Variants in NOTCH2NLC observed in about 807,000 individuals in gnomAD.
NOTCH2NLC encodes notch homolog 2 N-terminal-like protein C.
NOTCH2NLC carries 4 observed loss-of-function variants against 17.7 expected under a neutral mutation model. The ratio of observed to expected loss-of-function variants is 0.23; its 90% confidence interval spans 0.11 to 0.52. The LOEUF (loss-of-function observed/expected upper bound fraction) is 0.52, where lower values mean the gene tolerates loss of function less well. NOTCH2NLC is among the 20% of genes least tolerant of loss of function. The probability of loss-of-function intolerance (pLI) is 0.96; values close to 1 mark genes in which losing one functional copy is unlikely to be tolerated. For synonymous variants in NOTCH2NLC, 18 were observed against 86.0 expected (o/e 0.21, Z 4.38); for missense variants, 57 against 207.2 (o/e 0.28, Z 4.45).
chr1:149,416,644 T>G (rs2084336743), intron 1 of NOTCH2NLC, among the ~76,000 whole-genome samples: 2 of 136,780 alleles, frequency 1.5e-5, no homozygotes, highest in African/African-American at 5.3e-5. Context: ...GCTCCTGTGT[T>G]GCTACTCTAT....
Position 149,429,701 on chromosome 1 carries a change from G to T in NOTCH2NLC, c.136-1241G>T, listed in dbSNP as rs1259910901. ...CTAGGCTTTTATGCAGTAATTGTTGGTGGAGGAGTTGTTCTGACATCCAGC... is the reference window on the plus strand; with the variant it reads ...CTAGGCTTTTATGCAGTAATTGTTGTTGGAGGAGTTGTTCTGACATCCAGC... On this transcript the variant is annotated intron_variant, in intron 1 of 4. Transcript: ENST00000650865. 2.0e-4 allele frequency among the ~76,000 whole-genome samples: 30 copies of T among 151,328 alleles called. 2 individuals are homozygous for T. The highest frequency in any genetic ancestry group is 3.0e-4 in the Non-Finnish European group (20 of 67,684).
Position 149,429,046 on chromosome 1 carries a change from GCTT to G in NOTCH2NLC, c.136-1895_136-1893del, listed in dbSNP as rs1336070375. ...GTTTTAATTATAGTTGTTGCATTGG[GCTT>G]ATCAGTGTGGGAAGAGGGAGCATTT... On this transcript the variant is annotated intron_variant, in intron 1 of 4. Coordinates refer to ENST00000650865, the MANE Select transcript of NOTCH2NLC (RefSeq NM_001364013.2). 7.4e-4 allele frequency among the ~76,000 whole-genome samples: 107 copies of G among 144,614 alleles called. 4 individuals carry two copies. Among genetic ancestry groups the G allele is most frequent in the Middle Eastern group, 3.6e-3 (1 of 280 alleles). 94.9% of individuals were successfully genotyped at this position (144,614 alleles called of 152,430 possible).
Position 149,390,728 on chromosome 1 carries a change from G to C in NOTCH2NLC, c.-60G>C. ...TTCGGACCGTAGCGCCAGGGCCTGA[G>C]CCTTTGAAGCAGGAGGAGGGGAGGA... is the stretch of plus-strand genomic sequence containing the variant. On this transcript the variant is annotated 5_prime_UTR_variant, in exon 1 of 5. Coordinates refer to ENST00000650865, the MANE Select transcript of NOTCH2NLC (RefSeq NM_001364013.2). The C allele has an allele frequency of 8.0e-7, 1 of 1,253,252 alleles. No individual in the cohort carries two copies. The highest frequency in any genetic ancestry group is 1.0e-6 in the Non-Finnish European group (1 of 998,722). 77.6% of individuals were successfully genotyped at this position (1,253,252 alleles called of 1,614,324 possible).
At chr1:149,428,928 G>C (rs1175455776) in intron 1 of NOTCH2NLC, among the ~76,000 whole-genome samples, 1 of 147,878 alleles carries the variant, frequency 6.8e-6, no homozygotes, top group African/African-American at 2.5e-5. Flanking sequence ...AAAAAACCCC[G>C]GAAGTTCTCA....
intron 1 of NOTCH2NLC, among the ~76,000 whole-genome samples, chr1:149,412,117 A>AG (rs2084301142): frequency 1.6e-5 from 2 of 124,176 alleles, no homozygotes; most frequent in South Asian, 6.4e-4. Flanking sequence ...TCCTGTCTCC[A>AG]AAAAAAAAAA....
intron 3 of NOTCH2NLC, among the ~76,000 whole-genome samples, chr1:149,463,155 G>A (rs2084661028): frequency 1.3e-5 from 2 of 150,860 alleles, no homozygotes; most frequent in Non-Finnish European, 3.0e-5. Flanking sequence ...ATTCAAACAG[G>A]AGCAGCATAT....
chr1:149,410,916 AAGGAGAAGCAGAG>A (rs2084295558), intron 1 of NOTCH2NLC, among the ~76,000 whole-genome samples: 1 of 145,982 alleles, frequency 6.9e-6, no homozygotes, highest in Admixed American at 6.9e-5. Flanking sequence ...TTGGTGCACT[AAGGAGAAGCAGAG>A]AGGAGAAGCA....
At position 149,468,742 on chromosome 1, in the gene NOTCH2NLC, G is replaced by A. The variant is rs1364408889; in HGVS notation, c.*4589G>A. Reference sequence around the variant, plus strand: ...TTTGGTGACAAAGTTAGAAAAAAGTGGAGGTCAGTAGGGAGATATGAAGGG... The same window carrying A: ...TTTGGTGACAAAGTTAGAAAAAAGTAGAGGTCAGTAGGGAGATATGAAGGG... On this transcript the variant is annotated 3_prime_UTR_variant, in exon 5 of 5. Coordinates refer to ENST00000650865, the MANE Select transcript of NOTCH2NLC (RefSeq NM_001364013.2). 2.1e-5 allele frequency among the ~76,000 whole-genome samples: 3 copies of A among 143,854 alleles called. No homozygotes were observed. The highest frequency in any genetic ancestry group is 7.6e-5 in the African/African-American group (3 of 39,412). 94.4% of individuals were successfully genotyped at this position (143,854 alleles called of 152,430 possible).
chr1:149,394,501 T>C (rs1199897182), intron 1 of NOTCH2NLC, among the ~76,000 whole-genome samples: 1 of 151,174 alleles, frequency 6.6e-6, no homozygotes, highest in Non-Finnish European at 1.5e-5. Flanking sequence ...GGGCTTCATA[T>C]ATTTAGATGA....
chr1:149,413,960 CACTT>C (rs2084315024), intron 1 of NOTCH2NLC, among the ~76,000 whole-genome samples: 1 of 147,322 alleles, frequency 6.8e-6, no homozygotes, highest in Non-Finnish European at 1.5e-5. Context: ...AACCTGAGAA[CACTT>C]ACAGAGCCTT....
In NOTCH2NLC at chr1:149,470,229, A is replaced by G. The variant is rs1332854326; in HGVS notation, c.*6076A>G. ...TAACATAAAAGGATTAGAGCAGACA[A>G]TCTCTAACAAATGCTATAATACCAC... On this transcript the variant is annotated 3_prime_UTR_variant, in exon 5 of 5. Transcript: ENST00000650865. Among the ~76,000 whole-genome samples, 2 of 151,270 alleles carry G rather than the reference A, an allele frequency of 1.3e-5. No individual in the cohort carries two copies. The highest frequency in any genetic ancestry group is 3.9e-4 in the East Asian group (2 of 5,164).
intron 2 of NOTCH2NLC, among the ~76,000 whole-genome samples, chr1:149,438,145 G>T (rs1342986917): frequency 1.3e-5 from 2 of 149,568 alleles, no homozygotes; most frequent in Non-Finnish European, 1.5e-5. Context: ...ACAAAAAGGG[G>T]ACTTTTCAGA....
At chr1:149,460,996 G>A (rs1200586561) in intron 3 of NOTCH2NLC, among the ~76,000 whole-genome samples, 11 of 143,832 alleles carry the variant, frequency 7.6e-5, no homozygotes, top group East Asian at 2.1e-4. Flanking sequence ...GTACAGTGGC[G>A]CAGTCTCGGC....
chr1:149,414,566 A>G (rs1230900890), intron 1 of NOTCH2NLC, among the ~76,000 whole-genome samples: 12 of 151,144 alleles, frequency 7.9e-5, no homozygotes, highest in Middle Eastern at 3.5e-3. Context: ...ACGGTTCCTC[A>G]AGTAAATACA....
intron 1 of NOTCH2NLC, among the ~76,000 whole-genome samples, chr1:149,396,197 TTTAA>T (rs1378625668): frequency 3.7e-5 from 5 of 136,752 alleles, no homozygotes; most frequent in South Asian, 4.9e-4. Context: ...TGCTATCTCT[TTTAA>T]TTAATTAAGG....
At chr1:149,440,969 G>T (rs1201886772) in intron 2 of NOTCH2NLC, among the ~76,000 whole-genome samples, 1 of 150,382 alleles carries the variant, frequency 6.6e-6, no homozygotes, top group Non-Finnish European at 1.5e-5. Context: ...AGAGAGGGCA[G>T]CTGGGAGCAA....
intron 1 of NOTCH2NLC, among the ~76,000 whole-genome samples, chr1:149,419,872 T>A (rs1397327951): frequency 8.6e-5 from 11 of 127,332 alleles, no homozygotes; most frequent in African/African-American, 3.2e-4. Flanking sequence ...TTTTTTTTTT[T>A]TTTTTTTTTC....
At chr1:149,426,567 T>A (rs2084414078) in intron 1 of NOTCH2NLC, among the ~76,000 whole-genome samples, 3 of 142,718 alleles carry the variant, frequency 2.1e-5, no homozygotes, top group South Asian at 2.3e-4. Flanking sequence ...ATCTACTACT[T>A]CTTTTTGCCT....
intron 2 of NOTCH2NLC, among the ~76,000 whole-genome samples, chr1:149,449,650 G>A (rs2084580113): frequency 6.6e-6 from 1 of 151,234 alleles, no homozygotes; most frequent in South Asian, 2.1e-4. Flanking sequence ...CATAATTTAT[G>A]TATCATAAAA....
Sources: allele counts gnomAD v4.1 joint callset (sites outside exome capture counted in the v4.1 genomes callset), GRCh38; gene constraint gnomAD v4.1.1; transcripts MANE v1.5; gene names NCBI Gene and HGNC (gene_info 2026-07-23, HGNC 2026-07-21).